EEF1D: variants seen among roughly 807,000 people sequenced by gnomAD.
EEF1D encodes the protein elongation factor 1-delta.
A neutral mutation model predicts 63.9 loss-of-function variants in EEF1D; 47 were observed. The ratio of observed to expected loss-of-function variants is 0.74; its 90% CI spans 0.58 to 0.94. EEF1D has a LOEUF of 0.94. EEF1D is among the 40% of genes least tolerant of loss of function. EEF1D has a pLI of 0.00. For synonymous variants in EEF1D, 412 were observed against 386.1 expected (o/e 1.07, Z -0.79); for missense variants, 907 against 899.0 (o/e 1.01, Z -0.11).
chr8:143,580,477 C>T (rs1320269125), intron 8 of EEF1D, 29 bp downstream of exon 8: 7 of 1,599,286 alleles, frequency 4.4e-6, no homozygotes, highest in Non-Finnish European at 4.3e-6. Context: ...CAGTGCCTGG[C>T]CCCCTGAAGC....
At chr8:143,593,692 G>A (rs950491950) in intron 1 of EEF1D, among the ~76,000 whole-genome samples, 7 of 152,292 alleles carry the variant, frequency 4.6e-5, no homozygotes, top group South Asian at 2.1e-4. Context: ...TCCCTGCAGA[G>A]AGGAAGCCCT....
In EEF1D at chr8:143,586,826, G is replaced by T. The variant is rs1213592173; in HGVS notation, c.1118C>A (p.Ala373Glu). Residue 373 changes from alanine (A) to glutamate (E), a missense_variant, in exon 4 of 10, where the codon GCA (alanine) becomes GAA (glutamate). Transcript: ENST00000618139. ...CTTGTCGAACCAGATCTTCTCATGT[G>T]CTAGGAAGTTTGTAGCCATTTTTCT... ...PNRKMATNFL[A>E]HEKIWFDKFK... The T allele has an allele frequency of 6.2e-7, 1 of 1,614,132 alleles. No homozygotes were observed. Among genetic ancestry groups the T allele is most frequent in the South Asian group, 1.1e-5 (1 of 91,092 alleles).
chr8:143,586,383 T>G (rs1433811248), intron 4 of EEF1D, 93 bp from the exon 5 acceptor site: 3 of 1,184,510 alleles, frequency 2.5e-6, no homozygotes, highest in Non-Finnish European at 3.5e-6. Flanking sequence ...AACCCTCACA[T>G]AGAGACAGCA....
Position 143,581,481 on chromosome 8 carries a change from C to T in EEF1D, c.1288-153G>A, listed in dbSNP as rs188606460. The T allele has an allele frequency of 6.8e-4, 447 of 659,444 alleles. 2 individuals are homozygous for T. The African/African-American group carries it at 6.9e-3, about 10-fold the overall frequency. 40.8% of individuals were successfully genotyped at this position (659,444 alleles called of 1,614,324 possible). On this transcript the variant is annotated intron_variant, in intron 5 of 9. Transcript: ENST00000618139. ...GATGCCCAGCTCAAACTTATGACCT[C>T]AGAGGTGGCGGCCACCACAGACCAC...
intron 3 of EEF1D, among the ~76,000 whole-genome samples, chr8:143,588,123 G>A (rs530855792): frequency 4.6e-5 from 7 of 152,312 alleles, no homozygotes; most frequent in African/African-American, 1.7e-4. Flanking sequence ...AGGGCAGGAG[G>A]TAGCATTCCC....
intron 5 of EEF1D, among the ~76,000 whole-genome samples, chr8:143,584,992 C>A (rs1347498981): frequency 6.6e-6 from 1 of 152,172 alleles, no homozygotes; most frequent in African/African-American, 2.4e-5. Flanking sequence ...ACCACGCAAT[C>A]CCCCATGCCT....
chr8:143,581,076 C>T lies in EEF1D; in HGVS notation c.1466G>A (p.Arg489Gln), dbSNP rs1177792687. ...CACCTGGGTCTGTGGGGCCGTGGCC[C>T]GGTGGCCAGGCGAGCTCTTCTCCAG... The part of the protein sequence containing the change: ...NVLEKSSPGH[R>Q]ATAPQTQHVS... The change falls in exon 7 of 10, where the codon CGG (arginine) becomes CAG (glutamine). Residue 489 changes from arginine (R) to glutamine (Q), a missense_variant. Arg to Gln is a conservative substitution (Grantham distance 43). Coordinates refer to ENST00000618139, the MANE Select transcript of EEF1D (RefSeq NM_001130053.5). The T allele has an allele frequency of 9.9e-6, 16 of 1,612,160 alleles. No individual in the cohort carries two copies. Among genetic ancestry groups the T allele is most frequent in the South Asian group, 3.3e-5 (3 of 91,030 alleles).
At position 143,589,240 on chromosome 8, in the gene EEF1D, CG is replaced by C; in HGVS notation, c.841del (p.Arg281AlafsTer4). 6.4e-7 allele frequency: 1 copy of C among 1,555,296 alleles called. No homozygotes were observed. The highest frequency in any genetic ancestry group is 8.7e-7 in the Non-Finnish European group (1 of 1,147,220). Reference sequence around the variant, plus strand: ...GGCCCGCTTGTTCCCTAAGATGTTGCGGCCCCGCCGGTCTCTGCGGCCCCGC... The same window carrying C: ...GGCCCGCTTGTTCCCTAAGATGTTGCGCCCCGCCGGTCTCTGCGGCCCCGC... ...ARRGRRDRRGRNILGNKRAGL... is the reference protein window; with the variant it reads ...ARRGRRDRRGXNILGNKRAGL... On this transcript the variant is annotated frameshift_variant, in exon 3 of 10. Coordinates refer to ENST00000618139, the MANE Select transcript of EEF1D (RefSeq NM_001130053.5). LOFTEE classifies it high-confidence loss of function.
At chr8:143,595,760 G>A (rs939904290) in intron 1 of EEF1D, among the ~76,000 whole-genome samples, 12 of 150,332 alleles carry the variant, frequency 8.0e-5, no homozygotes. Context: ...CTGCCTGCCC[G>A]GCGCAGCCCC....
intron 5 of EEF1D, among the ~76,000 whole-genome samples, chr8:143,585,295 G>A (rs1221166833): frequency 2.0e-5 from 3 of 152,184 alleles, no homozygotes; most frequent in South Asian, 2.1e-4. Context: ...CGAGAGAGGC[G>A]CGAGATGGAA....
rs555683742 is a variant in EEF1D at position 143,595,082 on chromosome 8, T to G, written c.-15+2266A>C. Among the ~76,000 whole-genome samples the G allele has an allele frequency of 7.2e-5, 11 of 152,026 alleles. No individual in the cohort carries two copies. The East Asian group carries it at 1.9e-3, about 27-fold the overall frequency. Reference sequence around the variant, plus strand: ...AACCACGGCCAGCTAATTTTTGGGTTTTTTTTGAGACGGAGCCTCACTCTG... The same window carrying G: ...AACCACGGCCAGCTAATTTTTGGGTGTTTTTTGAGACGGAGCCTCACTCTG... On this transcript the variant is annotated intron_variant, in intron 1 of 9. Coordinates refer to ENST00000618139, the MANE Select transcript of EEF1D (RefSeq NM_001130053.5).
chr8:143,588,783 T>C (rs946733767), intron 3 of EEF1D: 1 of 678,260 alleles, frequency 1.5e-6, no homozygotes, highest in Non-Finnish European at 2.4e-6. Flanking sequence ...CCTGGAACTT[T>C]GTAACCTCAA....
At chr8:143,595,755 T>C (rs7844940) in intron 1 of EEF1D, among the ~76,000 whole-genome samples, 121,426 of 152,042 alleles carry the variant, frequency 0.8, 50,289 homozygotes, top group Non-Finnish European at 0.92. Context: ...CCGACCTGCC[T>C]GCCCGGCGCA....
chr8:143,588,755 C>T, intron 3 of EEF1D: 2 of 600,982 alleles, frequency 3.3e-6, no homozygotes, highest in African/African-American at 3.7e-5. Context: ...GAGCCCTTCC[C>T]TGCCCTCATC....
intron 3 of EEF1D, among the ~76,000 whole-genome samples, chr8:143,588,438 G>A (rs1031865694): frequency 2.0e-5 from 3 of 152,310 alleles, no homozygotes; most frequent in South Asian, 4.1e-4. Context: ...TCACACAGAC[G>A]GGGCACCCTG....
At position 143,581,082 on chromosome 8, in the gene EEF1D, C is replaced by T. The variant is rs1372374719; in HGVS notation, c.1460G>A (p.Gly487Asp). 6.2e-7 allele frequency: 1 copy of T among 1,612,308 alleles called. No homozygotes were observed. The highest frequency in any genetic ancestry group is 1.1e-5 in the South Asian group (1 of 91,040). ...RLNVLEKSSP[G>D]HRATAPQTQH... is the part of the protein sequence containing the mutation. The stretch of plus-strand genomic sequence containing the variant: ...GGTCTGTGGGGCCGTGGCCCGGTGG[C>T]CAGGCGAGCTCTTCTCCAGCACGTT... The change falls in exon 7 of 10, where the codon GGC becomes GAC. Residue 487 changes from glycine (G) to aspartate (D), a missense_variant. By Grantham distance (94) the Gly-to-Asp change is moderately conservative. Coordinates refer to ENST00000618139, the MANE Select transcript of EEF1D (RefSeq NM_001130053.5).
intron 2 of EEF1D, among the ~76,000 whole-genome samples, chr8:143,591,527 C>T (rs1351067338): frequency 1.3e-5 from 2 of 152,282 alleles, no homozygotes; most frequent in Admixed American, 6.5e-5. Context: ...CGACTCCAGG[C>T]TCTGCTCCCC....
Position 143,589,776 on chromosome 8 carries a change from G to A in EEF1D, c.306C>T (p.Ala102=), listed in dbSNP as rs770874884. ...CGCGTTCGGCCGAGAGGCCCAGGAG[G>A]GCCAGGTCCGCGGGGCCGAGCCCGC... The part of the protein sequence containing the change: ...PKSGLGPADL[A]LLGLSAERVW... The change falls in exon 3 of 10, where the codon GCC becomes GCT. Residue 102 remains alanine (A), a synonymous_variant. Transcript: ENST00000618139. The A allele has an allele frequency of 1.3e-6, 2 of 1,561,714 alleles. No homozygotes were observed. Among genetic ancestry groups the A allele is most frequent in the Non-Finnish European group, 1.7e-6 (2 of 1,156,252 alleles).
At chr8:143,591,482 G>A (rs547743850) in intron 2 of EEF1D, among the ~76,000 whole-genome samples, 10 of 152,312 alleles carry the variant, frequency 6.6e-5, no homozygotes, top group African/African-American at 2.4e-4. Flanking sequence ...CCCAGCCCGC[G>A]CTCAGCCTGC....
Sources: gnomAD v4.1 joint callset for allele counts (sites outside exome capture counted in the v4.1 genomes callset) on GRCh38, gnomAD v4.1.1 for gene constraint, MANE v1.5 for transcripts, NCBI Gene and HGNC (gene_info 2026-07-23, HGNC 2026-07-21) for gene names.